The following DTNB variants were observed in gnomAD, a reference collection of about 807,000 sequenced individuals.
DTNB encodes the protein dystrobrevin beta.
DTNB carries 63 observed loss-of-function variants against 90.7 expected under a neutral mutation model. The observed-to-expected ratio is 0.69, with a 90% CI of 0.57 to 0.86. The LOEUF (loss-of-function observed/expected upper bound fraction) is 0.86, where lower values mean the gene tolerates loss of function less well. Ranked by LOEUF, DTNB falls within the 40% of genes least tolerant of loss-of-function variation. The probability of loss-of-function intolerance (pLI) is 0.00; values close to 1 mark genes in which losing one functional copy is unlikely to be tolerated. For synonymous variants in DTNB, 277 were observed against 286.7 expected, an observed-to-expected ratio of 0.97 and a Z score of 0.34; for missense variants, 744 against 807.1, an observed-to-expected ratio of 0.92 and a Z score of 0.95.
intron 9 of DTNB, among the ~76,000 whole-genome samples, chr2:25,511,668 C>G (rs1365664397): frequency 6.6e-6 from 1 of 152,170 alleles, no homozygotes; most frequent in Non-Finnish European, 1.5e-5. Context: ...GGAACTGATA[C>G]TTCATACAGT....
rs143356475 is a variant in DTNB, at chr2:25,528,925, T to C, written c.1001+2548A>G. 3.9e-5 allele frequency among the ~76,000 whole-genome samples: 6 copies of C among 152,318 alleles called. 1 individual carries two copies. In the East Asian group the frequency reaches 1.2e-3, roughly 29 times the overall value. On this transcript the variant is annotated intron_variant, in intron 9 of 20. Coordinates refer to ENST00000406818, the MANE Select transcript of DTNB (RefSeq NM_021907.5). The stretch of plus-strand genomic sequence containing the variant: ...TTAAATAAATGCAAAGACACATTCA[T>C]GGAATGAAAGCTTTAATACCAGAAG...
At chr2:25,434,747 A>T (rs7587920) in intron 12 of DTNB, among the ~76,000 whole-genome samples, 3,991 of 152,242 alleles carry the variant, frequency 0.026, 181 homozygotes, top group African/African-American at 0.091. Flanking sequence ...TTGCTGAATT[A>T]TATGATAACT....
Position 25,434,080 on chromosome 2 carries a change from A to G in DTNB, c.1258-85T>C, listed in dbSNP as rs977818895. 7 of 1,256,002 alleles carry G rather than the reference A, an allele frequency of 5.6e-6. No homozygotes were observed. The African/African-American group carries it at 7.6e-5, about 14-fold the overall frequency. The allele number at this position is 1,256,002 out of a possible 1,614,324, so 77.8% of individuals were successfully genotyped here. Reference sequence around the variant, plus strand: ...CTAGATTGACTGATTTTTAAAAAAGATTTTTGACATATAATTTACATATCA... The same window carrying G: ...CTAGATTGACTGATTTTTAAAAAAGGTTTTTGACATATAATTTACATATCA... On this transcript the variant is annotated intron_variant, in intron 12 of 20. Transcript: ENST00000406818.
intron 10 of DTNB, among the ~76,000 whole-genome samples, chr2:25,475,871 G>A (rs549347178): frequency 3.9e-5 from 6 of 152,184 alleles, no homozygotes; most frequent in East Asian, 3.9e-4. Flanking sequence ...TTTACAGCAC[G>A]GTTTAATGAA....
chr2:25,489,099 T>C (rs1241014553), intron 9 of DTNB, among the ~76,000 whole-genome samples: 2 of 152,238 alleles, frequency 1.3e-5, no homozygotes, highest in Non-Finnish European at 2.9e-5. Flanking sequence ...TTGAGCTTAC[T>C]GGTAGAAATA....
At chr2:25,524,886 C>T (rs1016589544) in intron 9 of DTNB, among the ~76,000 whole-genome samples, 1 of 152,148 alleles carries the variant, frequency 6.6e-6, no homozygotes, top group Non-Finnish European at 1.5e-5. Context: ...TAATCTGCTA[C>T]TATATTATTA....
chr2:25,588,084 G>C (rs1043247408), intron 6 of DTNB, among the ~76,000 whole-genome samples: 3 of 151,768 alleles, frequency 2.0e-5, no homozygotes, highest in African/African-American at 7.3e-5. Context: ...CAATGCTTTA[G>C]TGTGACAATA....
chr2:25,547,664 G>A (rs2082727676), intron 8 of DTNB, among the ~76,000 whole-genome samples: 2 of 152,094 alleles, frequency 1.3e-5, no homozygotes, highest in African/African-American at 4.8e-5. Flanking sequence ...GGGGATGAAG[G>A]TTATGCTGGC....
chr2:25,612,616 A>T (rs1301455213), intron 4 of DTNB, among the ~76,000 whole-genome samples: 1 of 152,142 alleles, frequency 6.6e-6, no homozygotes, highest in African/African-American at 2.4e-5. Flanking sequence ...AAAAATAGAG[A>T]AAAATATCAA....
chr2:25,455,105 T>C (rs967124251), intron 11 of DTNB, among the ~76,000 whole-genome samples: 1 of 152,210 alleles, frequency 6.6e-6, no homozygotes, highest in Non-Finnish European at 1.5e-5. Flanking sequence ...CAGATACCTC[T>C]GTGAGTACTG....
chr2:25,553,506 G>A (rs2056737475), intron 8 of DTNB, among the ~76,000 whole-genome samples: 1 of 152,010 alleles, frequency 6.6e-6, no homozygotes, highest in East Asian at 1.9e-4. Context: ...GGGAGGCTGA[G>A]GCAGGTAGAT....
intron 2 of DTNB, chr2:25,649,932 A>C (rs1016784181): frequency 2.5e-6 from 2 of 815,718 alleles, no homozygotes; most frequent in Non-Finnish European, 1.5e-6. Context: ...GCTGGAAATG[A>C]GGGGGTGGGG....
chr2:25,404,894 C>T (rs1316878882), intron 16 of DTNB, among the ~76,000 whole-genome samples: 1 of 152,054 alleles, frequency 6.6e-6, no homozygotes, highest in South Asian at 2.1e-4. Context: ...AGGAAAACTA[C>T]ACAACCCGTG....
intron 16 of DTNB, among the ~76,000 whole-genome samples, chr2:25,411,808 GCTCA>G (rs1440476387): frequency 2.0e-5 from 3 of 152,290 alleles, no homozygotes; most frequent in East Asian, 3.9e-4. Context: ...AAAAGGCCAG[GCTCA>G]CTGTCTTGAA....
intron 9 of DTNB, among the ~76,000 whole-genome samples, chr2:25,511,172 C>T (rs1476530075): frequency 6.6e-6 from 1 of 152,056 alleles, no homozygotes; most frequent in African/African-American, 2.4e-5. Flanking sequence ...ATATTAATGT[C>T]CTAAACCTAT....
At chr2:25,635,600 C>T (rs1159059744) in intron 3 of DTNB, among the ~76,000 whole-genome samples, 1 of 152,018 alleles carries the variant, frequency 6.6e-6, no homozygotes, top group African/African-American at 2.4e-5. Flanking sequence ...TTTACAGATT[C>T]AACAGAATCC....
chr2:25,489,090 T>G (rs2066826651), intron 9 of DTNB, among the ~76,000 whole-genome samples: 1 of 152,222 alleles, frequency 6.6e-6, no homozygotes, highest in African/African-American at 2.4e-5. Flanking sequence ...AAGCACAAAT[T>G]GAGCTTACTG....
chr2:25,631,370 T>C (rs985728620), intron 3 of DTNB, among the ~76,000 whole-genome samples: 1 of 152,004 alleles, frequency 6.6e-6, no homozygotes, highest in Non-Finnish European at 1.5e-5. Context: ...CAGGAGTTCA[T>C]GACCAGCCTG....
At chr2:25,542,738 G>A (rs2081552009) in intron 8 of DTNB, among the ~76,000 whole-genome samples, 2 of 151,960 alleles carry the variant, frequency 1.3e-5, no homozygotes, top group Non-Finnish European at 1.5e-5. Context: ...ATCTTGAATC[G>A]GTTTTGGTAA....
Sources: allele counts gnomAD v4.1 joint callset (sites outside exome capture counted in the v4.1 genomes callset), GRCh38; gene constraint gnomAD v4.1.1; transcripts MANE v1.5; gene names NCBI Gene and HGNC (gene_info 2026-07-23, HGNC 2026-07-21).